Variants in DMTF1 observed in about 807,000 individuals in gnomAD.
DMTF1 encodes the protein cyclin-D-binding Myb-like transcription factor 1.
DMTF1 carries 39 observed loss-of-function variants against 91.1 expected under a neutral mutation model. That is an observed-to-expected ratio of 0.43 (90% CI 0.33 to 0.56). DMTF1 has a LOEUF of 0.56. Among genes scored for constraint, DMTF1 ranks in the 20% least tolerant of loss-of-function variants. The probability of loss-of-function intolerance (pLI) is 0.05; values close to 1 mark genes in which losing one functional copy is unlikely to be tolerated. For synonymous variants in DMTF1, 338 were observed against 309.5 expected, an observed-to-expected ratio of 1.09 and a Z score of -0.97; for missense variants, 750 against 914.5, an observed-to-expected ratio of 0.82 and a Z score of 2.32.
At chr7:87,163,679 G>A (rs1256930829) in intron 2 of DMTF1, 62 bp downstream of exon 2, 2 of 152,170 alleles carry the variant, frequency 1.3e-5, no homozygotes, top group African/African-American at 4.8e-5. Flanking sequence ...ACTAGATCAT[G>A]ATTTCCATTT....
At chr7:87,183,083 C>A (rs546197120) in intron 10 of DMTF1, among the ~76,000 whole-genome samples, 1 of 151,890 alleles carries the variant, frequency 6.6e-6, no homozygotes, top group Non-Finnish European at 1.5e-5. Context: ...CCCACTGTTG[C>A]AATTAAAAAA....
intron 3 of DMTF1, 96 bp from the exon 4 acceptor site, chr7:87,166,386 AT>A (rs1370816826): frequency 1.3e-5 from 17 of 1,315,280 alleles, no homozygotes; most frequent in Admixed American, 2.5e-5. Context: ...TGGTAAGAAA[AT>A]TTTTTTAATA....
chr7:87,188,340 T>A (rs1168222632), intron 13 of DMTF1, 39 bp downstream of exon 13: 3 of 1,606,698 alleles, frequency 1.9e-6, no homozygotes, highest in Non-Finnish European at 1.7e-6. Context: ...CTGTTTGATC[T>A]ATATGATTTG....
intron 10 of DMTF1, among the ~76,000 whole-genome samples, chr7:87,182,837 T>C (rs1481458054): frequency 6.6e-6 from 1 of 152,214 alleles, no homozygotes; most frequent in Non-Finnish European, 1.5e-5. Context: ...TAGAAAAAAT[T>C]TATGATTGGT....
At chr7:87,164,836 C>T (rs1483315397) in intron 2 of DMTF1, 98 bp from the exon 3 acceptor site, 2 of 595,896 alleles carry the variant, frequency 3.4e-6, no homozygotes, top group Non-Finnish European at 5.5e-6. Context: ...AGGCAGATAC[C>T]CAAATAAATG....
chr7:87,190,272 T>A (rs1562851470), intron 13 of DMTF1, among the ~76,000 whole-genome samples: 1 of 151,820 alleles, frequency 6.6e-6, no homozygotes, highest in Non-Finnish European at 1.5e-5. Context: ...GCACTTTTGA[T>A]CCTCACAGCT....
At chr7:87,159,965 C>T (rs1482999211) in intron 1 of DMTF1, among the ~76,000 whole-genome samples, 1 of 152,058 alleles carries the variant, frequency 6.6e-6, no homozygotes, top group Non-Finnish European at 1.5e-5. Flanking sequence ...TTATTTTGCT[C>T]CAAAAAGGAC....
intron 4 of DMTF1, among the ~76,000 whole-genome samples, chr7:87,168,233 C>T (rs1380103511): frequency 1.3e-5 from 2 of 152,194 alleles, no homozygotes; most frequent in African/African-American, 4.8e-5. Flanking sequence ...TTTTTGTAGT[C>T]ATCTGCCACT....
intron 9 of DMTF1, among the ~76,000 whole-genome samples, chr7:87,181,825 A>C (rs1797435888): frequency 1.3e-5 from 2 of 152,204 alleles, no homozygotes; most frequent in African/African-American, 4.8e-5. Context: ...TGGATCATGA[A>C]AAAATTTGAA....
intron 7 of DMTF1, among the ~76,000 whole-genome samples, 174 bp downstream of exon 7, chr7:87,174,843 A>G (rs1402978390): frequency 6.6e-6 from 1 of 152,164 alleles, no homozygotes; most frequent in Non-Finnish European, 1.5e-5. Context: ...ATAGTACAAT[A>G]ATATTTTGAA....
Position 87,160,842 on chromosome 7 carries a change from CTTTG to C in DMTF1, c.-131-2648_-131-2645del, listed in dbSNP as rs1243911517. 5.3e-5 allele frequency among the ~76,000 whole-genome samples: 8 copies of C among 152,226 alleles called. No homozygotes were observed. In the East Asian group the frequency reaches 1.2e-3, roughly 22 times the overall value. ...TCTCTAGCTGGTCCTTCTCATTCTCCTTTGTTTGACTTCCCAAATTTAGTGGAGT... is the reference window on the plus strand; with the variant it reads ...TCTCTAGCTGGTCCTTCTCATTCTCCTTTGACTTCCCAAATTTAGTGGAGT... On this transcript the variant is annotated intron_variant, in intron 1 of 17. Coordinates refer to ENST00000331242, the MANE Select transcript of DMTF1 (RefSeq NM_001142327.2).
At chr7:87,193,510 A>G (rs552040924) in intron 15 of DMTF1, 157 bp downstream of exon 15, 1 of 837,684 alleles carries the variant, frequency 1.2e-6, no homozygotes, top group East Asian at 2.7e-5. Context: ...ACTGGAGTGT[A>G]TGTTTCATCC....
intron 10 of DMTF1, 78 bp from the exon 11 acceptor site, chr7:87,184,319 A>G: frequency 7.5e-7 from 1 of 1,338,328 alleles, no homozygotes; most frequent in Non-Finnish European, 1.0e-6. Flanking sequence ...ACTTCCTATC[A>G]GTCCTTGTAA....
At chr7:87,179,964 TA>T (rs1478871268) in intron 8 of DMTF1, among the ~76,000 whole-genome samples, 1 of 152,150 alleles carries the variant, frequency 6.6e-6, no homozygotes, top group African/African-American at 2.4e-5. Context: ...TAAAGTAACA[TA>T]AAAAATACAG....
In DMTF1 at chr7:87,195,063, A is replaced by C; in HGVS notation, c.2206A>C (p.Asn736His). The C allele has an allele frequency of 6.2e-7, 1 of 1,612,394 alleles. No homozygotes were observed. Among genetic ancestry groups the C allele is most frequent in the Non-Finnish European group, 8.5e-7 (1 of 1,178,956 alleles). The change falls in exon 18 of 18, where the codon AAT (asparagine) becomes CAT (histidine). Residue 736 changes from asparagine to histidine, a missense_variant. By Grantham distance (68) the Asn-to-His change is moderately conservative (BLOSUM62 1). Around this residue, in one of 3 missense-constraint regions of DMTF1, gnomAD observed 410 missense variants for 420.2 expected, o/e 0.98. Coordinates refer to ENST00000331242, the MANE Select transcript of DMTF1 (RefSeq NM_001142327.2). The stretch of plus-strand genomic sequence containing the variant: ...ACTCCAACATCATCAGGAAGAATCA[A>C]ATATCATTGGATCATCCTTGGGCAG... ...PILQHHQEESNIIGSSLGSPV... is the reference protein window; with the variant it reads ...PILQHHQEESHIIGSSLGSPV...
intron 1 of DMTF1, among the ~76,000 whole-genome samples, chr7:87,157,013 A>C (rs1487428265): frequency 6.6e-6 from 1 of 152,182 alleles, no homozygotes; most frequent in Non-Finnish European, 1.5e-5. Context: ...TGACAGTATG[A>C]TCTTGTGAAA....
intron 1 of DMTF1, among the ~76,000 whole-genome samples, chr7:87,160,308 C>CT (rs1470970993): frequency 6.8e-6 from 1 of 148,000 alleles, no homozygotes; most frequent in Non-Finnish European, 1.5e-5. Context: ...AAGTCTCACT[C>CT]TCGTCCTCCA....
chr7:87,190,966 C>T lies in DMTF1; in HGVS notation c.1433C>T (p.Thr478Ile), dbSNP rs769679380. Reference sequence around the variant, plus strand: ...ACAGCTTCAGCAGACTCTCCTGCTACCGTTGACTCAGAAACAATAACACTA... The same window carrying T: ...ACAGCTTCAGCAGACTCTCCTGCTATCGTTGACTCAGAAACAATAACACTA... ...THVSSADSPATVDSETITLNS... is the reference protein window; with the variant it reads ...THVSSADSPAIVDSETITLNS... The change falls in exon 14 of 18, where the codon ACC becomes ATC. Residue 478 changes from threonine to isoleucine, a missense_variant. Coordinates refer to ENST00000331242, the MANE Select transcript of DMTF1 (RefSeq NM_001142327.2). The T allele has an allele frequency of 3.1e-6, 5 of 1,610,402 alleles. No homozygotes were observed. In the South Asian group the frequency reaches 4.4e-5, roughly 14 times the overall value.
chr7:87,184,167 T>G (rs1722222155), intron 10 of DMTF1, among the ~76,000 whole-genome samples: 1 of 152,242 alleles, frequency 6.6e-6, no homozygotes, highest in Non-Finnish European at 1.5e-5. Flanking sequence ...TTTTCATAAT[T>G]GGTCAGTGCT....
Sources: allele counts gnomAD v4.1 joint callset (sites outside exome capture counted in the v4.1 genomes callset), GRCh38; gene constraint gnomAD v4.1.1; regional missense constraint gnomAD v4.1.1; transcripts MANE v1.5; gene names NCBI Gene and HGNC (gene_info 2026-07-23, HGNC 2026-07-21).